The following ZPLD1 variants were observed in gnomAD, a reference collection of about 807,000 sequenced individuals.
ZPLD1 encodes the protein zona pellucida-like domain-containing protein 1.
ZPLD1 carries 34 observed loss-of-function variants against 47.2 expected under a neutral mutation model. The ratio of observed to expected loss-of-function variants is 0.72; its 90% confidence interval spans 0.55 to 0.96. The LOEUF is 0.96. ZPLD1 is among the 40% of genes least tolerant of loss of function. ZPLD1 has a pLI of 0.00. For synonymous variants in ZPLD1, 176 were observed against 186.2 expected (o/e 0.95, Z 0.45); for missense variants, 512 against 505.8 (o/e 1.01, Z -0.12).
intron 8 of ZPLD1, among the ~76,000 whole-genome samples, chr3:102,468,378 A>G (rs1047114587): frequency 2.0e-5 from 3 of 152,212 alleles, no homozygotes; most frequent in Non-Finnish European, 4.4e-5. Context: ...TTCAAAAACA[A>G]TGCATGTACA....
intron 1 of ZPLD1, 28 bp downstream of exon 1, chr3:102,435,182 G>T: frequency 6.2e-7 from 1 of 1,613,288 alleles, no homozygotes; most frequent in South Asian, 1.1e-5. Flanking sequence ...AAATTTGCAA[G>T]ATAATAGTTC....
intron 3 of ZPLD1, among the ~76,000 whole-genome samples, chr3:102,445,903 T>A (rs1286900879): frequency 2.0e-5 from 3 of 152,178 alleles, no homozygotes; most frequent in Non-Finnish European, 4.4e-5. Flanking sequence ...TGCAATAATC[T>A]ATTAATTTTA....
chr3:102,444,943 C>T (rs1707235313), intron 3 of ZPLD1, among the ~76,000 whole-genome samples: 2 of 152,194 alleles, frequency 1.3e-5, no homozygotes, highest in South Asian at 4.1e-4. Context: ...TACCCCCGTC[C>T]TCTCCAGTTG....
chr3:102,443,512 G>A (rs1350820615), intron 3 of ZPLD1, among the ~76,000 whole-genome samples: 1 of 152,146 alleles, frequency 6.6e-6, no homozygotes. Context: ...TGATGTATGT[G>A]TGGAGATTCT....
At chr3:102,429,463 A>G (rs1706989586) in intron 8 of ZPLD1, among the ~76,000 whole-genome samples, 1 of 152,206 alleles carries the variant, frequency 6.6e-6, no homozygotes, top group Admixed American at 6.5e-5. Flanking sequence ...CTAATGGAAT[A>G]TAACAACCAA....
intron 6 of ZPLD1, among the ~76,000 whole-genome samples, chr3:102,458,657 T>C (rs1016017629): frequency 6.6e-6 from 1 of 152,222 alleles, no homozygotes; most frequent in African/African-American, 2.4e-5. Context: ...ATAAATATTG[T>C]AGTAGGACAT....
Position 102,479,467 on chromosome 3 carries a change from A to G in ZPLD1, c.*1849A>G, listed in dbSNP as rs1037691463. ...TCAATTTGATTTTTATGCTTTTGGA[A>G]CGGCTGCTGTTTCAGCTGTTGGCCT... On this transcript the variant is annotated 3_prime_UTR_variant, in exon 12 of 12. Transcript: ENST00000466937. 2 of 152,184 alleles carry G rather than the reference A, an allele frequency of 1.3e-5. No individual in the cohort carries two copies. Among genetic ancestry groups the G allele is most frequent in the Admixed American group, 6.5e-5 (1 of 15,278 alleles). 9.4% of individuals were successfully genotyped at this position (152,184 alleles called of 1,614,324 possible).
exon 6 of ZPLD1, chr3:102,385,247 G>A (rs1706412631): frequency 6.6e-6 from 1 of 152,192 alleles, no homozygotes; most frequent in East Asian, 1.9e-4. Flanking sequence ...CTCCGTCAAT[G>A]CTATTGCCAC....
At chr3:102,444,608 A>G (rs1175319324) in intron 3 of ZPLD1, among the ~76,000 whole-genome samples, 1 of 152,208 alleles carries the variant, frequency 6.6e-6, no homozygotes, top group East Asian at 1.9e-4. Context: ...CTCTTGTTTT[A>G]GAGATAAAAG....
chr3:102,463,379 T>A (rs983980809), intron 7 of ZPLD1, among the ~76,000 whole-genome samples: 2 of 152,234 alleles, frequency 1.3e-5, no homozygotes, highest in African/African-American at 4.8e-5. Context: ...GACAGTAATA[T>A]CTAGAAACAA....
chr3:102,478,482 A>AGAATATTATCATCAGCTCATAAGCATACT lies in ZPLD1; in HGVS notation c.*865_*866insAATATTATCATCAGCTCATAAGCATACTG, dbSNP rs138641254. The AGAATATTATCATCAGCTCATAAGCATACT allele has an allele frequency of 6.6e-6, 1 of 151,700 alleles. No homozygotes were observed. Among genetic ancestry groups the AGAATATTATCATCAGCTCATAAGCATACT allele is most frequent in the African/African-American group, 2.4e-5 (1 of 41,304 alleles). 9.4% of individuals were successfully genotyped at this position (151,700 alleles called of 1,614,324 possible). A position where few individuals can be genotyped will look rare whatever the true frequency, so the allele number is the denominator to read the frequency against. On this transcript the variant is annotated 3_prime_UTR_variant, in exon 12 of 12. Coordinates refer to ENST00000466937, the MANE Select transcript of ZPLD1 (RefSeq NM_001329788.2). The stretch of plus-strand genomic sequence containing the variant: ...GAAAACAAGCTGTAGTTGTGAAAAG[A>AGAATATTATCATCAGCTCATAAGCATACT]GTTCCTAGAAGGGTTTTTAACAATT...
intron 7 of ZPLD1, among the ~76,000 whole-genome samples, chr3:102,408,289 T>C (rs1449986650): frequency 6.6e-6 from 1 of 151,794 alleles, no homozygotes; most frequent in Non-Finnish European, 1.5e-5. Flanking sequence ...AAAGATACAC[T>C]GAGTAGGTTT....
chr3:102,426,111 TACACAC>T (rs997937527), intron 8 of ZPLD1, among the ~76,000 whole-genome samples: 1 of 144,126 alleles, frequency 6.9e-6, no homozygotes, highest in African/African-American at 2.7e-5. Context: ...ACATATTTCC[TACACAC>T]ACACACACAC....
In ZPLD1 at chr3:102,473,343, C is replaced by T. The variant is rs780276107; in HGVS notation, c.1042+2841C>T. Among the ~76,000 whole-genome samples, 4 of 152,290 alleles carry T rather than the reference C, an allele frequency of 2.6e-5. No individual in the cohort carries two copies. In the South Asian group the frequency reaches 6.2e-4, roughly 24 times the overall value. ...CCAGGTTTATAGGTTTCATCCATCC[C>T]ACATCCAGTTGCCCAAAATATCTAT... On this transcript the variant is annotated intron_variant, in intron 10 of 11. Transcript: ENST00000466937.
intron 3 of ZPLD1, 33 bp from the exon 4 acceptor site, chr3:102,452,886 C>T: frequency 6.2e-7 from 1 of 1,602,628 alleles, no homozygotes; most frequent in Non-Finnish European, 8.5e-7. Context: ...GCTTTTCTGA[C>T]TTATGTTTGT....
chr3:102,455,478 G>A (rs993282496), intron 4 of ZPLD1, among the ~76,000 whole-genome samples: 1 of 152,194 alleles, frequency 6.6e-6, no homozygotes, highest in Non-Finnish European at 1.5e-5. Context: ...AAGTAGATAA[G>A]TATCTTTATG....
chr3:102,450,724 G>T lies in ZPLD1; in HGVS notation c.107-2195G>T, dbSNP rs1707325325. Among the ~76,000 whole-genome samples the T allele has an allele frequency of 2.0e-5, 3 of 152,136 alleles. No homozygotes were observed. The South Asian group carries it at 6.2e-4, about 32-fold the overall frequency. On this transcript the variant is annotated intron_variant, in intron 3 of 11. Transcript: ENST00000466937. The stretch of plus-strand genomic sequence containing the variant: ...AATAAAGGAACCAGTTAGGTTCCTG[G>T]ACTAGTACAATAGTCCAGGGGAGAG...
chr3:102,465,205 T>C (rs933424910), intron 8 of ZPLD1, among the ~76,000 whole-genome samples: 17 of 152,324 alleles, frequency 1.1e-4, no homozygotes, highest in Middle Eastern at 3.4e-3. Flanking sequence ...GACATTCTGG[T>C]CTATCAGTGA....
upstream of ZPLD1, among the ~76,000 whole-genome samples, chr3:102,432,730 A>G (rs867097414): frequency 3.3e-5 from 5 of 152,172 alleles, no homozygotes; most frequent in African/African-American, 9.7e-5. Context: ...AAAGTGTCCA[A>G]GTTATTCCCA....
Sources: allele counts gnomAD v4.1 joint callset (sites outside exome capture counted in the v4.1 genomes callset), GRCh38; gene constraint gnomAD v4.1.1; transcripts MANE v1.5; gene names NCBI Gene and HGNC (gene_info 2026-07-23, HGNC 2026-07-21).